Variants in LURAP1L observed in about 807,000 individuals in gnomAD.
LURAP1L encodes the protein leucine rich adaptor protein 1 like.
In LURAP1L, 12 loss-of-function variants were observed where a neutral mutation model predicts 13.8. That is an observed-to-expected ratio of 0.87 (90% CI 0.56 to 1.41). The LOEUF is 1.41. Ranked by LOEUF, LURAP1L falls within the 40% of genes most tolerant of loss-of-function variation. LURAP1L has a pLI of 0.00. For missense variants in LURAP1L, 375 were observed against 292.9 expected (o/e 1.28, Z -2.04); for synonymous variants, 139 against 119.2 (o/e 1.17, Z -1.08).
chr9:12,813,555 T>C (rs1819766247), intron 1 of LURAP1L, among the ~76,000 whole-genome samples: 1 of 152,144 alleles, frequency 6.6e-6, no homozygotes, highest in African/African-American at 2.4e-5. Flanking sequence ...TTTTATTTTA[T>C]TGGTTGTCTA....
At chr9:12,806,105 C>G (rs1384158372) in intron 1 of LURAP1L, among the ~76,000 whole-genome samples, 2 of 152,134 alleles carry the variant, frequency 1.3e-5, no homozygotes, top group Non-Finnish European at 2.9e-5. Context: ...ACCTTTAGGG[C>G]AACCTTCAAA....
intron 1 of LURAP1L, among the ~76,000 whole-genome samples, chr9:12,797,287 AAT>A (rs1819522715): frequency 6.6e-6 from 1 of 152,032 alleles, no homozygotes; most frequent in Admixed American, 6.6e-5. Context: ...AGGGAACTCT[AAT>A]AACTACAAAA....
rs544959050 is a variant in LURAP1L, at chr9:12,778,861, C to T, written c.312+2834C>T. 7.9e-5 allele frequency among the ~76,000 whole-genome samples: 12 copies of T among 152,332 alleles called. No homozygotes were observed. The East Asian group carries it at 2.1e-3, about 27-fold the overall frequency. On this transcript the variant is annotated intron_variant, in intron 1 of 1. Coordinates refer to ENST00000319264, the MANE Select transcript of LURAP1L (RefSeq NM_203403.2). ...GAAATCTGAGGAACTTAAACCAATA[C>T]AGTAGCCCACCTTATCCATGGGAGA...
intron 1 of LURAP1L, among the ~76,000 whole-genome samples, chr9:12,818,514 C>T (rs763575446): frequency 6.6e-6 from 1 of 152,120 alleles, no homozygotes; most frequent in Non-Finnish European, 1.5e-5. Context: ...AAGGAGCTCA[C>T]AGCCTAGTTG....
intron 1 of LURAP1L, among the ~76,000 whole-genome samples, chr9:12,807,681 T>C (rs77723061): frequency 0.023 from 3,546 of 152,322 alleles, 78 homozygotes; most frequent in African/African-American, 0.061. Flanking sequence ...TTTAAAGTGA[T>C]TGATATAGTT....
chr9:12,779,239 T>C (rs1819234789), intron 1 of LURAP1L, among the ~76,000 whole-genome samples: 1 of 151,870 alleles, frequency 6.6e-6, no homozygotes, highest in Admixed American at 6.6e-5. Flanking sequence ...ACATTTTATA[T>C]GTATTATCCC....
At chr9:12,793,954 G>A (rs529118089) in intron 1 of LURAP1L, among the ~76,000 whole-genome samples, 2 of 152,190 alleles carry the variant, frequency 1.3e-5, no homozygotes, top group South Asian at 2.1e-4. Flanking sequence ...CTGTGTTAGA[G>A]GCTTTTAAAT....
At chr9:12,781,132 C>T (rs576296917) in intron 1 of LURAP1L, among the ~76,000 whole-genome samples, 6 of 152,132 alleles carry the variant, frequency 3.9e-5, no homozygotes, top group African/African-American at 1.2e-4. Flanking sequence ...CCACTACGCC[C>T]GACTAATTTT....
At chr9:12,778,367 T>C (rs1487777327) in intron 1 of LURAP1L, among the ~76,000 whole-genome samples, 1 of 152,176 alleles carries the variant, frequency 6.6e-6, no homozygotes, top group Non-Finnish European at 1.5e-5. Context: ...TAGAACCACT[T>C]TGAGACTCAG....
intron 1 of LURAP1L, among the ~76,000 whole-genome samples, chr9:12,783,216 T>C (rs961842424): frequency 6.6e-6 from 1 of 152,168 alleles, no homozygotes; most frequent in African/African-American, 2.4e-5. Context: ...TCTTGTCTGA[T>C]TGCTCTATCT....
At chr9:12,807,171 CAGG>C (rs1254239919) in intron 1 of LURAP1L, among the ~76,000 whole-genome samples, 9 of 145,256 alleles carry the variant, frequency 6.2e-5, no homozygotes, top group Admixed American at 3.7e-4. Flanking sequence ...GGAGCTGAAG[CAGG>C]AGAATGGCAT....
chr9:12,806,324 T>C (rs1819655949), intron 1 of LURAP1L, among the ~76,000 whole-genome samples: 1 of 152,196 alleles, frequency 6.6e-6, no homozygotes, highest in African/African-American at 2.4e-5. Context: ...TTTTCTAGTA[T>C]ACATATTAAA....
In LURAP1L at chr9:12,821,407, G is replaced by C; in HGVS notation, c.334G>C (p.Val112Leu). 6.2e-7 allele frequency: 1 copy of C among 1,613,908 alleles called. No individual in the cohort carries two copies. Among genetic ancestry groups the C allele is most frequent in the Non-Finnish European group, 8.5e-7 (1 of 1,179,860 alleles). The change falls in exon 2 of 2, where the codon GTC becomes CTC. Residue 112 changes from valine (V) to leucine (L), a missense_variant. Transcript: ENST00000319264. ...ATAGGTTAACCTCAGAGCCACAGAC[G>C]TCAGGCTCATGCGCCAGTTGCTTGT... ...QEMVNLRATDVRLMRQLLVIN... is the reference protein window; with the variant it reads ...QEMVNLRATDLRLMRQLLVIN...
intron 1 of LURAP1L, among the ~76,000 whole-genome samples, chr9:12,793,249 T>C (rs111230059): frequency 0.049 from 7,420 of 152,160 alleles, 247 homozygotes; most frequent in Middle Eastern, 0.1. Flanking sequence ...GCATTCTGCT[T>C]CAGGGCAATC....
intron 1 of LURAP1L, among the ~76,000 whole-genome samples, chr9:12,780,898 C>T (rs1392952051): frequency 6.6e-6 from 1 of 152,098 alleles, no homozygotes; most frequent in Non-Finnish European, 1.5e-5. Flanking sequence ...TTTGTTTAAT[C>T]CATGAGCTCA....
chr9:12,806,154 G>A (rs971880911), intron 1 of LURAP1L, among the ~76,000 whole-genome samples: 1 of 152,036 alleles, frequency 6.6e-6, no homozygotes, highest in Admixed American at 6.6e-5. Flanking sequence ...TTGAAAACAT[G>A]ACTCTTACAC....
At chr9:12,787,912 G>C (rs922876624) in intron 1 of LURAP1L, among the ~76,000 whole-genome samples, 6 of 151,952 alleles carry the variant, frequency 3.9e-5, no homozygotes, top group African/African-American at 1.5e-4. Flanking sequence ...AGGAATTCAA[G>C]ACCAACCTGG....
rs1218010602 is a variant in LURAP1L, at chr9:12,822,581, AC to A, written c.*822del. Among the ~76,000 whole-genome samples, 1 of 152,162 alleles carries A rather than the reference AC, an allele frequency of 6.6e-6. No homozygotes were observed. Among genetic ancestry groups the A allele is most frequent in the Non-Finnish European group, 1.5e-5 (1 of 68,024 alleles). ...TGTGATTCTGATAGGATGTATAAAT[AC>A]TTAGATGCATACAAGCCGATGGATA... On this transcript the variant is annotated 3_prime_UTR_variant, in exon 2 of 2. Transcript: ENST00000319264.
chr9:12,792,606 A>C (rs934004056), intron 1 of LURAP1L, among the ~76,000 whole-genome samples: 1 of 152,104 alleles, frequency 6.6e-6, no homozygotes, highest in Admixed American at 6.6e-5. Flanking sequence ...TTGCTTTGTC[A>C]AGGAAGTGAA....
Sources: gnomAD v4.1 joint callset for allele counts (sites outside exome capture counted in the v4.1 genomes callset) on GRCh38, gnomAD v4.1.1 for gene constraint, MANE v1.5 for transcripts, NCBI Gene and HGNC (gene_info 2026-07-23, HGNC 2026-07-21) for gene names.